The following TRPM3 variants were observed in gnomAD, a reference collection of about 807,000 sequenced individuals.
TRPM3 encodes long transient receptor potential channel 3.
In TRPM3, 77 loss-of-function variants were observed where a neutral mutation model predicts 181.2. The ratio of observed to expected loss-of-function variants is 0.42; its 90% CI spans 0.35 to 0.51. The LOEUF (loss-of-function observed/expected upper bound fraction) is 0.51. Among genes scored for constraint, TRPM3 ranks in the 20% least tolerant of loss-of-function variants. The probability of loss-of-function intolerance (pLI) is 0.01; values close to 1 mark genes in which losing one functional copy is unlikely to be tolerated. For synonymous variants in TRPM3, 745 were observed against 796.4 expected (o/e 0.94, Z 1.09); for missense variants, 1,759 against 2,196.7 (o/e 0.80, Z 3.98).
At chr9:70,539,190 G>T (rs2042579455) in intron 25 of TRPM3, among the ~76,000 whole-genome samples, 1 of 152,210 alleles carries the variant, frequency 6.6e-6, no homozygotes, top group South Asian at 2.1e-4. Flanking sequence ...CTGTGGGGGT[G>T]GTGGTGAGGT....
intron 1 of TRPM3, among the ~76,000 whole-genome samples, chr9:71,373,303 A>G (rs975448258): frequency 2.0e-5 from 2 of 98,292 alleles, no homozygotes; most frequent in Non-Finnish European, 4.7e-5. Flanking sequence ...AGAGACATGA[A>G]AAACCCTTAA....
intron 1 of TRPM3, among the ~76,000 whole-genome samples, chr9:71,011,800 A>G (rs1438633948): frequency 8.3e-6 from 1 of 120,228 alleles, no homozygotes; most frequent in African/African-American, 3.2e-5. Flanking sequence ...GTTTTTTTTC[A>G]GACAGTATCT....
At chr9:70,846,287 G>A (rs1367770861) in intron 4 of TRPM3, 91 bp downstream of exon 4, 2 of 1,206,886 alleles carry the variant, frequency 1.7e-6, no homozygotes, top group African/African-American at 1.5e-5. Flanking sequence ...GAAGTGGGGT[G>A]ATATAGAAAT....
chr9:71,052,997 G>A (rs533669465), intron 1 of TRPM3, among the ~76,000 whole-genome samples: 2 of 140,804 alleles, frequency 1.4e-5, no homozygotes, highest in African/African-American at 2.6e-5. Flanking sequence ...TACAACCACC[G>A]AAAGTGGATC....
intron 6 of TRPM3, chr9:70,810,230 A>T: frequency 2.6e-6 from 1 of 378,640 alleles, no homozygotes; most frequent in Non-Finnish European, 5.4e-6. Context: ...TGGGTACATG[A>T]TCAGGAGGTC....
intron 17 of TRPM3, 104 bp from the exon 18 acceptor site, chr9:70,616,179 T>A: frequency 2.4e-6 from 2 of 823,540 alleles, no homozygotes; most frequent in Non-Finnish European, 3.6e-6. Context: ...TAAGAGTGTA[T>A]GCGTGTGTGT....
chr9:70,874,538 T>C (rs4143737), intron 1 of TRPM3, among the ~76,000 whole-genome samples: 108,887 of 151,778 alleles, frequency 0.72, 39,552 homozygotes, highest in African/African-American at 0.81. Flanking sequence ...CTTCGTTTTC[T>C]GTCAAGTAAA....
chr9:70,592,228 G>A (rs1429526036), intron 21 of TRPM3, among the ~76,000 whole-genome samples: 1 of 152,130 alleles, frequency 6.6e-6, no homozygotes, highest in Non-Finnish European at 1.5e-5. Context: ...GTGTTTTCCA[G>A]GCTACGTTAA....
At chr9:70,839,083 T>G (rs1407240142) in intron 5 of TRPM3, among the ~76,000 whole-genome samples, 2 of 152,252 alleles carry the variant, frequency 1.3e-5, no homozygotes, top group East Asian at 3.9e-4. Flanking sequence ...GGTTAAAAAA[T>G]GTCCCCACTG....
chr9:71,247,493 A>C (rs2082101230), intron 1 of TRPM3, among the ~76,000 whole-genome samples: 1 of 152,132 alleles, frequency 6.6e-6, no homozygotes, highest in Admixed American at 6.6e-5. Flanking sequence ...ACTTGGGAGA[A>C]GAAACTGGAT....
chr9:70,942,983 C>G (rs2096900128), intron 1 of TRPM3, among the ~76,000 whole-genome samples: 1 of 151,958 alleles, frequency 6.6e-6, no homozygotes, highest in Non-Finnish European at 1.5e-5. Context: ...GGTTTCCTAA[C>G]TGGGGTCCTG....
chr9:70,949,923 C>T (rs1193436921), intron 1 of TRPM3, among the ~76,000 whole-genome samples: 4 of 152,104 alleles, frequency 2.6e-5, no homozygotes, highest in Non-Finnish European at 5.9e-5. Context: ...ATTTCTTTCC[C>T]ATGCCTAACC....
At chr9:70,979,027 A>C (rs2097335755) in intron 1 of TRPM3, among the ~76,000 whole-genome samples, 1 of 152,206 alleles carries the variant, frequency 6.6e-6, no homozygotes, top group Admixed American at 6.5e-5. Flanking sequence ...CATCTCAAGG[A>C]AACACTTTTC....
intron 1 of TRPM3, among the ~76,000 whole-genome samples, chr9:71,197,527 C>CA (rs1383311598): frequency 6.6e-6 from 1 of 151,838 alleles, no homozygotes; most frequent in Non-Finnish European, 1.5e-5. Flanking sequence ...TCCTCTCCAG[C>CA]ACCTGTTGTT....
chr9:70,893,404 G>T (rs2096240037), intron 1 of TRPM3, among the ~76,000 whole-genome samples: 1 of 152,134 alleles, frequency 6.6e-6, no homozygotes, highest in Admixed American at 6.5e-5. Flanking sequence ...AGTGAATAAA[G>T]AATATGAATG....
intron 1 of TRPM3, among the ~76,000 whole-genome samples, chr9:71,184,830 C>T (rs986431252): frequency 6.6e-6 from 1 of 152,064 alleles, no homozygotes; most frequent in Non-Finnish European, 1.5e-5. Flanking sequence ...TCATGTGTTG[C>T]TTAGGCCAGA....
chr9:71,269,230 G>A (rs1260850387), intron 1 of TRPM3, among the ~76,000 whole-genome samples: 1 of 152,170 alleles, frequency 6.6e-6, no homozygotes, highest in Non-Finnish European at 1.5e-5. Flanking sequence ...TAAAAAGAAA[G>A]AAGTGTAAGT....
chr9:71,217,803 C>A (rs1228956577), intron 1 of TRPM3, among the ~76,000 whole-genome samples: 1 of 152,106 alleles, frequency 6.6e-6, no homozygotes, highest in Non-Finnish European at 1.5e-5. Flanking sequence ...ACAGTGTATC[C>A]TGCCCACAGC....
chr9:71,400,277 T>C (rs2131375153), intron 1 of TRPM3, among the ~76,000 whole-genome samples: 1 of 152,340 alleles, frequency 6.6e-6, no homozygotes, highest in African/African-American at 2.4e-5. Flanking sequence ...GAAGATTTTC[T>C]GATCCTTACA....
Sources: gnomAD v4.1 joint callset for allele counts (sites outside exome capture counted in the v4.1 genomes callset) on GRCh38, gnomAD v4.1.1 for gene constraint, MANE v1.5 for transcripts, NCBI Gene and HGNC (gene_info 2026-07-23, HGNC 2026-07-21) for gene names.